ARHGAP6: variants seen among roughly 807,000 people sequenced by gnomAD.
ARHGAP6 encodes the protein Rho GTPase activating protein 6, also known as rho GTPase-activating protein 6.
In ARHGAP6, 16 loss-of-function variants were observed where a neutral mutation model predicts 55.7. The observed-to-expected ratio is 0.29, with a 90% CI of 0.19 to 0.44. ARHGAP6 has a LOEUF of 0.44. Ranked by LOEUF, ARHGAP6 falls within the 20% of genes least tolerant of loss-of-function variation. ARHGAP6 has a pLI of 1.00. For missense variants in ARHGAP6, 698 were observed against 808.9 expected (o/e 0.86, Z 1.66); for synonymous variants, 382 against 360.9 (o/e 1.06, Z -0.66).
intron 1 of ARHGAP6, among the ~76,000 whole-genome samples, chrX:11,591,622 T>C (rs1303763484): frequency 9.0e-6 from 1 of 111,443 alleles, no homozygotes; most frequent in Non-Finnish European, 1.9e-5. Context: ...TATGATACCA[T>C]TTATACAAAT....
At chrX:11,221,346 C>T (rs372873812) in intron 2 of ARHGAP6, 7 of 138,146 alleles carry the variant, frequency 5.1e-5, no homozygotes, top group Middle Eastern at 7.3e-4. Context: ...TTTTTTTTTA[C>T]AGGGTTGATA....
intron 1 of ARHGAP6, among the ~76,000 whole-genome samples, chrX:11,361,070 C>T (rs1234188963): frequency 1.8e-5 from 2 of 110,064 alleles, no homozygotes; most frequent in Admixed American, 1.9e-4. Flanking sequence ...TGAAAATGGC[C>T]ATACTGCCCA....
At chrX:11,494,568 A>C (rs908154453) in intron 1 of ARHGAP6, among the ~76,000 whole-genome samples, 1 of 112,977 alleles carries the variant, frequency 8.9e-6, no homozygotes, top group Non-Finnish European at 1.9e-5. Context: ...GTTCCTGAAA[A>C]GAAGTTCTGC....
chrX:11,519,811 C>G (rs1414703886), intron 1 of ARHGAP6, among the ~76,000 whole-genome samples: 1 of 106,797 alleles, frequency 9.4e-6, no homozygotes, highest in South Asian at 4.3e-4. Flanking sequence ...TGGACCCCTT[C>G]CTTACACCTT....
intron 1 of ARHGAP6, among the ~76,000 whole-genome samples, chrX:11,283,281 T>C (rs1449764005): frequency 8.9e-6 from 1 of 111,929 alleles, no homozygotes; most frequent in Non-Finnish European, 1.9e-5. Context: ...AGAATAACTA[T>C]AAGATAGGGT....
Position 11,179,354 on chromosome X carries a change from C to A in ARHGAP6, c.1428G>T (p.Met476Ile). The change falls in exon 7 of 13, where the codon ATG becomes ATT. Residue 476 changes from methionine (M) to isoleucine (I), a missense_variant. This residue lies in a region of ARHGAP6 where 322 missense variants were observed against 451.1 expected (regional missense o/e 0.71). Coordinates refer to ENST00000337414, the MANE Select transcript of ARHGAP6 (RefSeq NM_013427.3). ...AALLKEFLRDMPDPLLTRELY... is the reference protein window; with the variant it reads ...AALLKEFLRDIPDPLLTRELY... ...GCTCCCTGGTGAGAAGGGGGTCTGG[C>A]ATGTCCCTCAGGAACTCTTTCAGCA... 8.3e-7 allele frequency: 1 copy of A among 1,210,279 alleles called. No individual in the cohort carries two copies. Among genetic ancestry groups the A allele is most frequent in the Non-Finnish European group, 1.1e-6 (1 of 894,898 alleles).
At chrX:11,487,267 G>T (rs1034287937) in intron 1 of ARHGAP6, among the ~76,000 whole-genome samples, 2 of 112,032 alleles carry the variant, frequency 1.8e-5, no homozygotes, top group Non-Finnish European at 3.8e-5. Flanking sequence ...CAACAGTAAT[G>T]AGTATACTCT....
At chrX:11,566,245 G>A (rs1256013174) in intron 1 of ARHGAP6, among the ~76,000 whole-genome samples, 1 of 112,128 alleles carries the variant, frequency 8.9e-6, no homozygotes, top group African/African-American at 3.2e-5. Context: ...GGAAAATGCT[G>A]CTTTCATGTC....
chrX:11,525,076 T>C (rs2050975485), intron 1 of ARHGAP6, among the ~76,000 whole-genome samples: 1 of 111,780 alleles, frequency 8.9e-6, no homozygotes, highest in Non-Finnish European at 1.9e-5. Context: ...CATATGTCCA[T>C]CACTCATTTC....
At chrX:11,587,602 A>T (rs1383274245) in intron 1 of ARHGAP6, among the ~76,000 whole-genome samples, 4 of 112,048 alleles carry the variant, frequency 3.6e-5, no homozygotes, top group African/African-American at 1.3e-4. Context: ...GTTCTGAGCC[A>T]TTGGTTCCCA....
At chrX:11,540,287 A>C (rs929491923) in intron 1 of ARHGAP6, among the ~76,000 whole-genome samples, 1 of 109,457 alleles carries the variant, frequency 9.1e-6, no homozygotes, top group Non-Finnish European at 1.9e-5. Context: ...AAAAAAAAAA[A>C]CCTCAACAAG....
rs1407733088 is a variant in ARHGAP6 at position 11,360,737 on chromosome X, C to T, written c.589-106030G>A. Among the ~76,000 whole-genome samples, 58 of 110,595 alleles carry T rather than the reference C, an allele frequency of 5.2e-4. 1 individual carries two copies. The East Asian group carries it at 6.5e-3, about 12-fold the overall frequency. ...AAATTGTCCCTGTTTGCAGACGACACGATTGTATATCTAGAAAACCCCATT... is the reference window on the plus strand; with the variant it reads ...AAATTGTCCCTGTTTGCAGACGACATGATTGTATATCTAGAAAACCCCATT... On this transcript the variant is annotated intron_variant, in intron 1 of 12. Coordinates refer to ENST00000337414, the MANE Select transcript of ARHGAP6 (RefSeq NM_013427.3).
intron 1 of ARHGAP6, among the ~76,000 whole-genome samples, chrX:11,601,394 T>C (rs759671239): frequency 9.0e-6 from 1 of 110,771 alleles, no homozygotes; most frequent in African/African-American, 3.3e-5. Flanking sequence ...TGGTGAATGG[T>C]GGGAGGGTAA....
intron 1 of ARHGAP6, among the ~76,000 whole-genome samples, chrX:11,375,411 A>T (rs1022826059): frequency 1.2e-4 from 13 of 112,350 alleles, no homozygotes; most frequent in Admixed American, 6.6e-4. Flanking sequence ...TTGTTGCTGT[A>T]ATTGTAAGAA....
intron 1 of ARHGAP6, among the ~76,000 whole-genome samples, chrX:11,487,392 G>T (rs1014583936): frequency 9.0e-6 from 1 of 111,674 alleles, no homozygotes; most frequent in Non-Finnish European, 1.9e-5. Flanking sequence ...ACAGCATTTT[G>T]TTGGGCCAGA....
chrX:11,518,237 A>G (rs929830354), intron 1 of ARHGAP6, among the ~76,000 whole-genome samples: 2 of 109,888 alleles, frequency 1.8e-5, no homozygotes, highest in African/African-American at 6.6e-5. Flanking sequence ...AACTCCTGGG[A>G]TCACATGATC....
At chrX:11,528,127 T>C (rs899231300) in intron 1 of ARHGAP6, among the ~76,000 whole-genome samples, 2 of 112,094 alleles carry the variant, frequency 1.8e-5, no homozygotes, top group African/African-American at 3.2e-5. Flanking sequence ...GGAAACGTAG[T>C]CTAAAGATTC....
chrX:11,655,151 CTT>C (rs1437576372), intron 1 of ARHGAP6, among the ~76,000 whole-genome samples: 10 of 112,062 alleles, frequency 8.9e-5, no homozygotes, highest in Non-Finnish European at 1.9e-4. Context: ...ATATGTGGAC[CTT>C]TGTGACTAGC....
At chrX:11,282,349 T>G (rs1490917988) in intron 1 of ARHGAP6, among the ~76,000 whole-genome samples, 2 of 112,011 alleles carry the variant, frequency 1.8e-5, no homozygotes, top group East Asian at 5.6e-4. Context: ...AAAGACACTT[T>G]TTTTTGGCCC....
Sources: gnomAD v4.1 joint callset for allele counts (sites outside exome capture counted in the v4.1 genomes callset) on GRCh38, gnomAD v4.1.1 for gene constraint, gnomAD v4.1.1 regional missense constraint, MANE v1.5 for transcripts, NCBI Gene and HGNC (gene_info 2026-07-23, HGNC 2026-07-21) for gene names.